Variants in VPS8 observed in about 807,000 individuals in gnomAD.
VPS8 encodes VPS8 subunit of CORVET complex.
Under a neutral mutation model 216.4 loss-of-function variants are expected in VPS8, and 129 were observed. The ratio of observed to expected loss-of-function variants is 0.60; its 90% CI spans 0.52 to 0.69. The LOEUF is 0.69. Among genes scored for constraint, VPS8 ranks in the 30% least tolerant of loss-of-function variants. The pLI is 0.00. For missense variants in VPS8, 1,531 were observed against 1,683.5 expected (o/e 0.91, Z 1.59); for synonymous variants, 571 against 565.4 (o/e 1.01, Z -0.14).
At chr3:184,849,047 G>A (rs1294529550) in intron 8 of VPS8, 24 bp from the exon 9 acceptor site, 1 of 1,610,954 alleles carries the variant, frequency 6.2e-7, no homozygotes, top group South Asian at 1.1e-5. Flanking sequence ...TCCTTCACTT[G>A]ACTTTAAAAA....
At chr3:185,009,460 A>G (rs534665854) in intron 45 of VPS8, among the ~76,000 whole-genome samples, 48 of 152,308 alleles carry the variant, frequency 3.2e-4, no homozygotes, top group African/African-American at 1.1e-3. Flanking sequence ...ACTTTTATGC[A>G]CTACTAGTGG....
chr3:184,961,798 T>C (rs1046972803), intron 37 of VPS8, among the ~76,000 whole-genome samples: 3 of 151,798 alleles, frequency 2.0e-5, no homozygotes, highest in African/African-American at 7.3e-5. Flanking sequence ...ACAGAGTCTC[T>C]CTCTGTCACC....
At chr3:184,877,040 A>G (rs999213379) in intron 21 of VPS8, among the ~76,000 whole-genome samples, 3 of 152,116 alleles carry the variant, frequency 2.0e-5, no homozygotes, top group Non-Finnish European at 2.9e-5. Context: ...AATTCTCTGT[A>G]TTGCTGTTAT....
At chr3:185,041,774 T>C (rs1711694927) in intron 46 of VPS8, among the ~76,000 whole-genome samples, 1 of 152,194 alleles carries the variant, frequency 6.6e-6, no homozygotes, top group African/African-American at 2.4e-5. Context: ...CTAATGTGTG[T>C]GGTGTTTTCT....
chr3:184,957,362 T>C lies in VPS8; in HGVS notation c.3036-12T>C. 1 of 949,930 alleles carries C rather than the reference T, an allele frequency of 1.1e-6. No homozygotes were observed. 58.8% of individuals were successfully genotyped at this position (949,930 alleles called of 1,614,324 possible). ...TACAATTGAGTGTTCTCTTTATCTT[T>C]TATGTTTTTAGGGAAGGTATTCATG... On this transcript the variant is annotated splice_polypyrimidine_tract_variant and intron_variant, in intron 36 of 47. Coordinates refer to ENST00000625842, the MANE Select transcript of VPS8 (RefSeq NM_001009921.3).
intron 1 of VPS8, among the ~76,000 whole-genome samples, chr3:184,814,670 G>T (rs540755389): frequency 1.2e-4 from 18 of 152,348 alleles, no homozygotes; most frequent in African/African-American, 4.3e-4. Context: ...CATGGATGGA[G>T]TTTGCAGGAC....
chr3:184,984,075 T>G (rs1233697517), intron 42 of VPS8, among the ~76,000 whole-genome samples: 2 of 148,362 alleles, frequency 1.3e-5, no homozygotes, highest in East Asian at 4.2e-4. Context: ...TCCCAGTTAC[T>G]TGGGAGGCTG....
chr3:184,842,201 A>G (rs1256636356), intron 7 of VPS8, among the ~76,000 whole-genome samples: 1 of 149,844 alleles, frequency 6.7e-6, no homozygotes, highest in Non-Finnish European at 1.5e-5. Context: ...AAAAAAAAAA[A>G]AAAAAAAAGA....
chr3:184,836,427 C>T (rs999071227), intron 5 of VPS8: 1 of 404,944 alleles, frequency 2.5e-6, no homozygotes, highest in African/African-American at 2.1e-5. Flanking sequence ...GTAATGGAGA[C>T]TGAGCTAAAA....
At chr3:185,009,465 T>C (rs547119572) in intron 45 of VPS8, among the ~76,000 whole-genome samples, 19 of 152,302 alleles carry the variant, frequency 1.2e-4, no homozygotes, top group African/African-American at 4.6e-4. Context: ...TATGCACTAC[T>C]AGTGGGAATG....
intron 40 of VPS8, among the ~76,000 whole-genome samples, chr3:184,975,463 T>C (rs1212941882): frequency 6.6e-6 from 1 of 152,100 alleles, no homozygotes; most frequent in Non-Finnish European, 1.5e-5. Context: ...AGTCTTTAGG[T>C]TTTCATATCT....
intron 43 of VPS8, among the ~76,000 whole-genome samples, chr3:184,995,037 G>T (rs1179669025): frequency 6.6e-6 from 1 of 152,176 alleles, no homozygotes; most frequent in African/African-American, 2.4e-5. Context: ...CCATGATTCA[G>T]TTACCTCCCA....
chr3:184,999,534 G>A (rs1342003705), intron 44 of VPS8, among the ~76,000 whole-genome samples, 162 bp from the exon 45 acceptor site: 1 of 152,178 alleles, frequency 6.6e-6, no homozygotes, highest in African/African-American at 2.4e-5. Context: ...TAAAAAGAGA[G>A]GACAGCAGCA....
chr3:184,930,482 A>G lies in VPS8; in HGVS notation c.2812A>G (p.Asn938Asp), dbSNP rs530854680. Residue 938 changes from asparagine (N) to aspartate (D), a missense_variant, in exon 34 of 48, where the codon AAT becomes GAT. Transcript: ENST00000625842. ...TTGTGCTCTTCAGGAAGAAGTCTTT[A>G]ATTACATTCACAATATCTTATCCAT... ...RDPLREEEVF[N>D]YIHNILSIPG... 6.2e-7 allele frequency: 1 copy of G among 1,612,148 alleles called. No individual in the cohort carries two copies. The highest frequency in any genetic ancestry group is 2.2e-5 in the East Asian group (1 of 44,854).
At chr3:184,969,557 G>C (rs545843001) in intron 39 of VPS8, among the ~76,000 whole-genome samples, 2 of 150,386 alleles carry the variant, frequency 1.3e-5, no homozygotes, top group South Asian at 4.2e-4. Context: ...AGCTCCTTGG[G>C]TAGCTGGGAC....
At chr3:184,926,713 C>G (rs1369269802) in intron 31 of VPS8, 63 bp downstream of exon 31, 1 of 1,507,332 alleles carries the variant, frequency 6.6e-7, no homozygotes, top group African/African-American at 1.4e-5. Context: ...AGAAAGAATT[C>G]TTCTGTGCTA....
chr3:184,854,796 G>A (rs961051033), intron 13 of VPS8, among the ~76,000 whole-genome samples: 3 of 152,106 alleles, frequency 2.0e-5, no homozygotes, highest in African/African-American at 4.8e-5. Context: ...AATTTACTTT[G>A]GAGGATGATA....
chr3:184,984,913 A>T (rs964874696), intron 42 of VPS8, among the ~76,000 whole-genome samples: 3 of 151,228 alleles, frequency 2.0e-5, no homozygotes, highest in African/African-American at 7.4e-5. Flanking sequence ...AAAATTTTTT[A>T]TATTTCAAGA....
intron 45 of VPS8, among the ~76,000 whole-genome samples, chr3:185,020,289 G>T (rs1454670493): frequency 1.3e-5 from 2 of 152,192 alleles, no homozygotes; most frequent in Admixed American, 6.5e-5. Context: ...ATATTGATAT[G>T]TCGAAGTAAA....
Sources: allele counts gnomAD v4.1 joint callset (sites outside exome capture counted in the v4.1 genomes callset), GRCh38; gene constraint gnomAD v4.1.1; transcripts MANE v1.5; gene names NCBI Gene and HGNC (gene_info 2026-07-23, HGNC 2026-07-21).